Variants in PCSK2 observed in about 807,000 individuals in gnomAD.
PCSK2 encodes the protein neuroendocrine convertase 2.
A neutral mutation model predicts 69.7 loss-of-function variants in PCSK2; 14 were observed. That is an observed-to-expected ratio of 0.20 (90% CI 0.13 to 0.31). The LOEUF (loss-of-function observed/expected upper bound fraction) is 0.31. PCSK2 is among the 10% of genes least tolerant of loss of function. The pLI, the probability that PCSK2 is intolerant of heterozygous loss-of-function variation, is 1.00. For synonymous variants in PCSK2, 307 were observed against 320.7 expected, an observed-to-expected ratio of 0.96 and a Z score of 0.46; for missense variants, 544 against 842.5, an observed-to-expected ratio of 0.65 and a Z score of 4.39.
intron 2 of PCSK2, among the ~76,000 whole-genome samples, chr20:17,355,272 C>T (rs746298023): frequency 1.1e-4 from 16 of 152,240 alleles, no homozygotes; most frequent in Middle Eastern, 6.8e-3. Flanking sequence ...TTTGTTCTTA[C>T]GCTACTGAGA....
chr20:17,459,270 T>G (rs1329233508), intron 10 of PCSK2, among the ~76,000 whole-genome samples: 1 of 152,244 alleles, frequency 6.6e-6, no homozygotes, highest in Non-Finnish European at 1.5e-5. Flanking sequence ...TCCATGTTCC[T>G]GTATGTAGTT....
chr20:17,315,733 T>C (rs1021454822), intron 2 of PCSK2, among the ~76,000 whole-genome samples: 4 of 152,180 alleles, frequency 2.6e-5, no homozygotes, highest in African/African-American at 9.7e-5. Context: ...AAGCCTGGCT[T>C]GGGGGTGAGT....
chr20:17,348,045 AGAAAG>A (rs201266192), intron 2 of PCSK2, among the ~76,000 whole-genome samples: 1,418 of 79,086 alleles, frequency 0.018, 61 homozygotes, highest in South Asian at 0.034. Flanking sequence ...AAAGAAAGAA[AGAAAG>A]GAAAGAAAGA....
intron 10 of PCSK2, 128 bp downstream of exon 10, chr20:17,456,576 G>A (rs1026957820): frequency 5.1e-5 from 33 of 641,082 alleles, no homozygotes; most frequent in Non-Finnish European, 8.4e-5. Flanking sequence ...CAGGGCCAAT[G>A]AACTCTGCTG....
intron 2 of PCSK2, among the ~76,000 whole-genome samples, chr20:17,300,220 C>T (rs1989032000): frequency 6.6e-6 from 1 of 152,244 alleles, no homozygotes; most frequent in African/African-American, 2.4e-5. Flanking sequence ...CCACAGTTCA[C>T]TGGCTACACC....
intron 11 of PCSK2, among the ~76,000 whole-genome samples, chr20:17,477,337 A>ATTTG (rs2033309735): frequency 6.6e-6 from 1 of 151,536 alleles, no homozygotes; most frequent in Non-Finnish European, 1.5e-5. Context: ...TATTTTATTT[A>ATTTG]TTTATTTATT....
intron 8 of PCSK2, among the ~76,000 whole-genome samples, chr20:17,440,112 T>A (rs961038273): frequency 3.3e-5 from 5 of 152,234 alleles, no homozygotes; most frequent in Non-Finnish European, 7.3e-5. Flanking sequence ...TTAACCTCAG[T>A]CCTGCCCCCC....
intron 11 of PCSK2, among the ~76,000 whole-genome samples, chr20:17,480,193 T>C (rs1295486186): frequency 1.8e-5 from 2 of 109,264 alleles, no homozygotes; most frequent in African/African-American, 6.6e-5. Flanking sequence ...TCTTTTTTTT[T>C]TTTTTTTTTT....
chr20:17,334,218 G>A (rs1325245520), intron 2 of PCSK2, among the ~76,000 whole-genome samples: 1 of 151,970 alleles, frequency 6.6e-6, no homozygotes, highest in Admixed American at 6.6e-5. Context: ...TTTGCCTGGA[G>A]GGAGCCAGAA....
intron 2 of PCSK2, among the ~76,000 whole-genome samples, chr20:17,316,977 A>T (rs548086027): frequency 6.6e-6 from 1 of 152,318 alleles, no homozygotes; most frequent in Admixed American, 6.5e-5. Flanking sequence ...AGAGAATGCT[A>T]ATGGGAACAT....
chr20:17,260,190 G>C, intron 1 of PCSK2, 50 bp from the exon 2 acceptor site: 1 of 1,237,782 alleles, frequency 8.1e-7, no homozygotes, highest in South Asian at 1.2e-5. Flanking sequence ...CCCTGTCCCT[G>C]GGCCAACCCC....
intron 11 of PCSK2, among the ~76,000 whole-genome samples, chr20:17,471,219 G>A (rs1227191704): frequency 6.6e-6 from 1 of 152,164 alleles, no homozygotes; most frequent in Non-Finnish European, 1.5e-5. Flanking sequence ...ATCATAATCT[G>A]CATACATGTG....
rs140535157 is a variant in PCSK2, at chr20:17,453,819, C to G, written c.963C>G (p.Gly321=). ...GGSYDDCNCD[G]YASSMWTISI... is the part of the protein sequence containing the mutation. ...GCTATGACGACTGCAACTGCGACGG[C>G]TACGCCTCCAGCATGTGGACCATCT... is the stretch of plus-strand genomic sequence containing the variant. Residue 321 remains glycine, a synonymous_variant, in exon 9 of 12, where the codon GGC becomes GGG. Coordinates refer to ENST00000262545, the MANE Select transcript of PCSK2 (RefSeq NM_002594.5). This position sits in a 1 kb window ranked among gnomAD's most constrained non-coding sequence, Gnocchi z 4.0. The G allele has an allele frequency of 6.2e-7, 1 of 1,614,234 alleles. No homozygotes were observed. Among genetic ancestry groups the G allele is most frequent in the Non-Finnish European group, 8.5e-7 (1 of 1,180,046 alleles).
At chr20:17,411,811 C>T (rs1168957856) in intron 6 of PCSK2, among the ~76,000 whole-genome samples, 1 of 152,348 alleles carries the variant, frequency 6.6e-6, no homozygotes, top group East Asian at 1.9e-4. Context: ...TAGGACAAAG[C>T]TTCAAGAGGA....
At chr20:17,452,735 A>G (rs955426775) in intron 8 of PCSK2, among the ~76,000 whole-genome samples, 5 of 152,234 alleles carry the variant, frequency 3.3e-5, no homozygotes, top group Non-Finnish European at 5.9e-5. Flanking sequence ...CCCAGCCCAC[A>G]GGTGAACACT....
chr20:17,427,903 C>G (rs1568645041), intron 6 of PCSK2, among the ~76,000 whole-genome samples: 1 of 152,156 alleles, frequency 6.6e-6, no homozygotes, highest in Non-Finnish European at 1.5e-5. Flanking sequence ...GCAGAAAAGC[C>G]ACATGGTCTC....
chr20:17,237,629 G>C (rs1986394294), intron 1 of PCSK2, among the ~76,000 whole-genome samples: 1 of 152,190 alleles, frequency 6.6e-6, no homozygotes. Flanking sequence ...AGTCACCCTA[G>C]CACAGTGGAA....
In PCSK2 at chr20:17,278,667, A is replaced by T. The variant is rs1459681371; in HGVS notation, c.282+18323A>T. On this transcript the variant is annotated intron_variant, in intron 2 of 11. Coordinates refer to ENST00000262545, the MANE Select transcript of PCSK2 (RefSeq NM_002594.5). ...GCACACCAACATGGCACATGTATAC[A>T]TATGTAACAAAGCTGCACGCTATGC... Among the ~76,000 whole-genome samples, 3 of 152,244 alleles carry T rather than the reference A, an allele frequency of 2.0e-5. No homozygotes were observed. In the East Asian group the frequency reaches 5.8e-4, roughly 29 times the overall value.
chr20:17,303,552 A>ATTATATTATATATAATAT (rs1432746786), intron 2 of PCSK2, among the ~76,000 whole-genome samples: 1 of 50,436 alleles, frequency 2.0e-5, no homozygotes, highest in African/African-American at 6.2e-5. Flanking sequence ...AATATGATAT[A>ATTATATTATATATAATAT]ATATATATTA....
Sources: allele counts gnomAD v4.1 joint callset (sites outside exome capture counted in the v4.1 genomes callset), GRCh38; gene constraint gnomAD v4.1.1; non-coding constraint Gnocchi (gnomAD v3.1); transcripts MANE v1.5; gene names NCBI Gene and HGNC (gene_info 2026-07-23, HGNC 2026-07-21).